Variants in CZIB observed in about 807,000 individuals in gnomAD.
The protein encoded by CZIB is UPF0587 protein C1orf123.
Under a neutral mutation model 28.3 loss-of-function variants are expected in CZIB, and 26 were observed. That is an observed-to-expected ratio of 0.92 (90% CI 0.67 to 1.27). The LOEUF (loss-of-function observed/expected upper bound fraction) is 1.27. Ranked by LOEUF, CZIB falls within the 50% of genes most tolerant of loss-of-function variation. The probability of loss-of-function intolerance (pLI) is 0.00; values close to 1 mark genes in which losing one functional copy is unlikely to be tolerated. For synonymous variants in CZIB, 78 were observed against 71.1 expected (o/e 1.10, Z -0.49); for missense variants, 179 against 197.3 (o/e 0.91, Z 0.56).
rs201416768 is a variant in CZIB at position 53,218,500 on chromosome 1, C to A, written c.148-5G>T. On this transcript the variant is annotated splice_polypyrimidine_tract_variant and splice_region_variant and intron_variant, in intron 3 of 7. Transcript: ENST00000294360. Reference sequence around the variant, plus strand: ...CCCCTTCAGTGCCACACTGTCCTGGCAAAAAGCAAACAGAACTTTCAGTCA... The same window carrying A: ...CCCCTTCAGTGCCACACTGTCCTGGAAAAAAGCAAACAGAACTTTCAGTCA... 4.6e-4 allele frequency: 735 copies of A among 1,613,934 alleles called. 5 individuals are homozygous for A. The African/African-American group carries it at 7.9e-3, about 17-fold the overall frequency.
intron 2 of CZIB, chr1:53,219,405 T>A (rs563956033): frequency 5.8e-6 from 1 of 172,716 alleles, no homozygotes; most frequent in South Asian, 1.3e-4. Context: ...TACCTTGATC[T>A]GATCACAATA....
In CZIB at chr1:53,214,770, C is replaced by T. The variant is rs535693199; in HGVS notation, c.406-34G>A. The T allele has an allele frequency of 1.7e-5, 27 of 1,584,670 alleles. No homozygotes were observed. In the Middle Eastern group the frequency reaches 6.7e-4, roughly 39 times the overall value. On this transcript the variant is annotated intron_variant, in intron 7 of 7. Transcript: ENST00000294360. ...CAAAATGGCATTGTTAGCCTCACAA[C>T]GCAGAATGCAGCCATGTGGAGAGCA...
Position 53,220,355 on chromosome 1 carries a change from G to A in CZIB, c.7-11C>T. ...TTGCAGCGCGATTTTCTGAGGGGGAGGGCCAGAGCGACTGCGTCAGCCGTG... is the reference window on the plus strand; with the variant it reads ...TTGCAGCGCGATTTTCTGAGGGGGAAGGCCAGAGCGACTGCGTCAGCCGTG... On this transcript the variant is annotated splice_polypyrimidine_tract_variant and intron_variant, in intron 1 of 7. Transcript: ENST00000294360. The A allele has an allele frequency of 6.2e-7, 1 of 1,611,170 alleles. No individual in the cohort carries two copies. The highest frequency in any genetic ancestry group is 2.2e-5 in the East Asian group (1 of 44,878).
At chr1:53,218,683 T>A in intron 3 of CZIB, 184 bp downstream of exon 3, 1 of 789,208 alleles carries the variant, frequency 1.3e-6, no homozygotes, top group Non-Finnish European at 2.0e-6. Flanking sequence ...TTTTGAACTC[T>A]GCCTCATACC....
In CZIB at chr1:53,218,463, A is replaced by G. The variant is rs145613337; in HGVS notation, c.180T>C (p.Ser60=). The stretch of plus-strand genomic sequence containing the variant: ...GCTTGCACTTCTGGACCATGGAAGC[A>G]CTGCCACGGCCCCCCTTCAGTGCCA... The part of the protein sequence containing the change: ...DSVALKGGRG[S]ASMVQKCKLC... The change falls in exon 4 of 8, where the codon AGT becomes AGC. Residue 60 remains serine (S), a synonymous_variant. Transcript: ENST00000294360. The G allele has an allele frequency of 7.4e-6, 12 of 1,614,118 alleles. No individual in the cohort carries two copies. The African/African-American group carries it at 1.6e-4, about 22-fold the overall frequency.
At chr1:53,216,702 T>C (rs1444422368) in intron 6 of CZIB, 80 bp downstream of exon 6, 3 of 1,263,610 alleles carry the variant, frequency 2.4e-6, no homozygotes, top group Admixed American at 1.7e-5. Flanking sequence ...CCATGGTATC[T>C]GTAGGTAGCA....
intron 1 of CZIB, 22 bp downstream of exon 1, chr1:53,220,548 G>A (rs766927509): frequency 6.3e-7 from 1 of 1,599,486 alleles, no homozygotes; most frequent in Admixed American, 1.7e-5. Context: ...CCGTGTCCCC[G>A]CGGCGGGCGG....
Position 53,220,592 on chromosome 1 carries a change from CG to C in CZIB, c.-18del. 6.3e-7 allele frequency: 1 copy of C among 1,597,100 alleles called. No homozygotes were observed. Among genetic ancestry groups the C allele is most frequent in the Non-Finnish European group, 8.5e-7 (1 of 1,178,916 alleles). ...CACCCCCATGGTAGCCCTCTCCGCC[CG>C]GTGCTGGCTGCGGCCCTTGCCGTTG... On this transcript the variant is annotated 5_prime_UTR_variant, in exon 1 of 8. Coordinates refer to ENST00000294360, the MANE Select transcript of CZIB (RefSeq NM_017887.3).
chr1:53,220,430 TGC>T, intron 1 of CZIB, 86 bp from the exon 2 acceptor site: 1 of 1,578,188 alleles, frequency 6.3e-7, no homozygotes, highest in South Asian at 1.1e-5. Context: ...CAGCCGTGGG[TGC>T]CACAGGGAGA....
chr1:53,218,178 A>T lies in CZIB; in HGVS notation c.255T>A (p.Pro85=). Residue 85 remains proline, a synonymous_variant, in exon 5 of 8, where the codon CCT becomes CCA. Coordinates refer to ENST00000294360, the MANE Select transcript of CZIB (RefSeq NM_017887.3). ...SIEILSSTIK[P]YNAEDNENFK... ...ACTACAGCAGCAAACTTACATTGTA[A>T]GGCTTGATGGTGCTGCTTAAAATCT... is the stretch of plus-strand genomic sequence containing the variant. 1.2e-6 allele frequency: 2 copies of T among 1,614,194 alleles called. No individual in the cohort carries two copies. The highest frequency in any genetic ancestry group is 1.7e-6 in the Non-Finnish European group (2 of 1,180,002).
At chr1:53,218,951 C>T (rs201404636) in intron 2 of CZIB, 28 bp from the exon 3 acceptor site, 2 of 1,602,324 alleles carry the variant, frequency 1.2e-6, no homozygotes, top group Admixed American at 1.7e-5. Flanking sequence ...GTTAGTAAAG[C>T]AGCTGGCTCT....
intron 1 of CZIB, 27 bp from the exon 2 acceptor site, chr1:53,220,371 GT>G: frequency 6.2e-7 from 1 of 1,607,358 alleles, no homozygotes; most frequent in South Asian, 1.1e-5. Flanking sequence ...GAGCGACTGC[GT>G]CAGCCGTGCC....
chr1:53,215,614 C>G (rs571815095), intron 7 of CZIB, among the ~76,000 whole-genome samples: 1 of 152,310 alleles, frequency 6.6e-6, no homozygotes, highest in African/African-American at 2.4e-5. Flanking sequence ...CGGGGAAATA[C>G]AGGGTTAGGT....
chr1:53,218,415 G>C lies in CZIB; in HGVS notation c.228C>G (p.Ile76Met). ...CTCAGTACGCACAGCCTGACCTACC[G>C]ATGGAATTTTCTCTTGCACACAGCT... is the stretch of plus-strand genomic sequence containing the variant. ...KCKLCARENSIEILSSTIKPY... is the reference protein window; with the variant it reads ...KCKLCARENSMEILSSTIKPY... The change falls in exon 4 of 8, where the codon ATC (isoleucine) becomes ATG (methionine). Residue 76 changes from isoleucine to methionine, a missense_variant and splice_region_variant. By Grantham distance (10) the Ile-to-Met change is conservative (BLOSUM62 1). Transcript: ENST00000294360. 6.2e-7 allele frequency: 1 copy of C among 1,614,210 alleles called. No homozygotes were observed. Among genetic ancestry groups the C allele is most frequent in the Non-Finnish European group, 8.5e-7 (1 of 1,180,032 alleles).
At position 53,216,876 on chromosome 1, in the gene CZIB, T is replaced by C. The variant is rs972265740; in HGVS notation, c.262-17A>G. 2.5e-6 allele frequency: 4 copies of C among 1,611,910 alleles called. No homozygotes were observed. The highest frequency in any genetic ancestry group is 2.2e-5 in the East Asian group (1 of 44,856). On this transcript the variant is annotated splice_polypyrimidine_tract_variant and intron_variant, in intron 5 of 7. Transcript: ENST00000294360. ...GTCTTCAGCCTAGAAAGGAAGTGTG[T>C]TGAGGAGGCAGGCCCAAATGAGCTC...
In CZIB at chr1:53,218,403, G is replaced by A. The variant is rs199913224; in HGVS notation, c.229+11C>T. 3.7e-5 allele frequency: 59 copies of A among 1,613,994 alleles called. No individual in the cohort carries two copies. The highest frequency in any genetic ancestry group is 4.7e-5 in the Non-Finnish European group (55 of 1,179,958). On this transcript the variant is annotated intron_variant, in intron 4 of 7. Transcript: ENST00000294360. ...ACCCTGGCAGAACTCAGTACGCACA[G>A]CCTGACCTACCGATGGAATTTTCTC...
chr1:53,215,353 T>C (rs2100283413), intron 7 of CZIB, among the ~76,000 whole-genome samples: 1 of 152,040 alleles, frequency 6.6e-6, no homozygotes, highest in African/African-American at 2.4e-5. Flanking sequence ...ATACATAAAA[T>C]AAAATAAAAG....
At chr1:53,216,911 C>A (rs771651476) in intron 5 of CZIB, 52 bp from the exon 6 acceptor site, 15 of 1,463,650 alleles carry the variant, frequency 1.0e-5, no homozygotes, top group Non-Finnish European at 1.9e-6. Flanking sequence ...CTCAGGATGA[C>A]CCCATGGCCC....
chr1:53,218,954 C>T, intron 2 of CZIB, 31 bp from the exon 3 acceptor site: 1 of 1,590,532 alleles, frequency 6.3e-7, no homozygotes, highest in Admixed American at 1.7e-5. Context: ...AGTAAAGCAG[C>T]TGGCTCTGCT....
Sources: allele counts gnomAD v4.1 joint callset (sites outside exome capture counted in the v4.1 genomes callset), GRCh38; gene constraint gnomAD v4.1.1; transcripts MANE v1.5; gene names NCBI Gene and HGNC (gene_info 2026-07-23, HGNC 2026-07-21).